Variants in ZBBX observed in about 807,000 individuals in gnomAD.
ZBBX encodes zinc finger B-box domain containing.
Under a neutral mutation model 108.5 loss-of-function variants are expected in ZBBX, and 101 were observed. The observed-to-expected ratio is 0.93, with a 90% confidence interval of 0.79 to 1.10. ZBBX has a LOEUF of 1.10. ZBBX is among the 50% of genes least tolerant of loss of function. The pLI is 0.00. For synonymous variants in ZBBX, 356 were observed against 323.4 expected (o/e 1.10, Z -1.08); for missense variants, 1,009 against 941.4 (o/e 1.07, Z -0.94).
the ZBBX span, among the ~76,000 whole-genome samples, chr3:167,199,680 C>G: frequency 6.6e-6 from 1 of 152,142 alleles, no homozygotes; most frequent in Non-Finnish European, 1.5e-5. Context: ...CAAATGTCTA[C>G]TGAGATTATG....
the ZBBX span, among the ~76,000 whole-genome samples, chr3:167,194,058 G>A: frequency 1.3e-5 from 2 of 151,830 alleles, no homozygotes; most frequent in Non-Finnish European, 2.9e-5. Flanking sequence ...ATAACTGGTA[G>A]GGTGACTAGA....
rs758281753 is a variant in ZBBX, at chr3:167,350,512, A to C, written c.436T>G (p.Cys146Gly). Residue 146 changes from cysteine (C) to glycine (G), a missense_variant, in exon 9 of 22, where the codon TGC becomes GGC. Transcript: ENST00000675490. ...CAATAATCTTCTCCACATTCAAGGC[A>C]TACCTAAAAAGATATTTTTTAAAAA... ...QCENKAALLV[C>G]LECGEDYCSG... is the part of the protein sequence containing the mutation. The C allele has an allele frequency of 2.5e-6, 4 of 1,570,568 alleles. No homozygotes were observed. In the Admixed American group the frequency reaches 5.3e-5, roughly 21 times the overall value.
chr3:167,228,528 T>C, the ZBBX span, among the ~76,000 whole-genome samples: 18 of 151,844 alleles, frequency 1.2e-4, no homozygotes, highest in African/African-American at 2.7e-4. Context: ...AGGGAAGACA[T>C]AGAAGTAGTT....
At chr3:167,392,762 T>G (rs1194896935) in intron 1 of ZBBX, 1 of 151,862 alleles carries the variant, frequency 6.6e-6, no homozygotes, top group African/African-American at 2.4e-5. Flanking sequence ...TGACTTCATC[T>G]GAAGCAGAGG....
rs369478628 is a variant in ZBBX at position 167,399,606 on chromosome 3, T to C, written c.-446+8120A>G. ...AAGGAAGGATGGGAATTTTATGCCA[T>C]AGGGGGAGACCTTAGCATGTGCAAG... On this transcript the variant is annotated intron_variant, in intron 1 of 21. Coordinates refer to the ZBBX transcript ENST00000455345. The C allele has an allele frequency of 1.3e-4, 20 of 152,238 alleles. 1 individual carries two copies. Among genetic ancestry groups the C allele is most frequent in the Admixed American group, 9.8e-4 (15 of 15,298 alleles). 9.4% of individuals were successfully genotyped at this position (152,238 alleles called of 1,614,324 possible).
intron 19 of ZBBX, among the ~76,000 whole-genome samples, chr3:167,284,872 G>A (rs559442413): frequency 6.6e-6 from 1 of 151,862 alleles, no homozygotes; most frequent in South Asian, 2.1e-4. Context: ...AATATATAAG[G>A]GTACTAATGT....
chr3:167,384,349 T>C (rs1029575448), upstream of ZBBX, among the ~76,000 whole-genome samples: 5 of 152,090 alleles, frequency 3.3e-5, no homozygotes, highest in Admixed American at 2.6e-4. Flanking sequence ...AGATACATGG[T>C]TAGCTAGGAA....
the ZBBX span, among the ~76,000 whole-genome samples, chr3:167,180,253 C>T: frequency 1.3e-5 from 2 of 152,184 alleles, no homozygotes; most frequent in East Asian, 3.9e-4. Flanking sequence ...TTGCTGAGGG[C>T]TAGTGAGACT....
chr3:167,226,083 A>T, the ZBBX span, among the ~76,000 whole-genome samples: 7 of 131,380 alleles, frequency 5.3e-5, no homozygotes, highest in African/African-American at 1.9e-4. Context: ...GACTGTGATT[A>T]AAAAAAAAAA....
At chr3:167,232,767 G>T in the ZBBX span, among the ~76,000 whole-genome samples, 2 of 151,708 alleles carry the variant, frequency 1.3e-5, no homozygotes, top group Non-Finnish European at 2.9e-5. Flanking sequence ...TCAGAATAAA[G>T]CTCCAGGCTA....
the ZBBX span, among the ~76,000 whole-genome samples, chr3:167,196,995 G>A: frequency 6.6e-6 from 1 of 152,114 alleles, no homozygotes; most frequent in African/African-American, 2.4e-5. Flanking sequence ...GACAATGACA[G>A]CAAAGGGAGA....
chr3:167,407,567 G>A (rs541198951), intron 1 of ZBBX, among the ~76,000 whole-genome samples: 51 of 151,886 alleles, frequency 3.4e-4, no homozygotes, highest in Admixed American at 9.8e-4. Context: ...CAATTAACAC[G>A]TTTTTTATTA....
At chr3:167,254,615 T>C (rs1723151738) in intron 20 of ZBBX, among the ~76,000 whole-genome samples, 1 of 152,124 alleles carries the variant, frequency 6.6e-6, no homozygotes. Context: ...AATACTTTTT[T>C]AAAGAGACGC....
chr3:167,210,913 T>C, the ZBBX span, among the ~76,000 whole-genome samples: 1 of 151,634 alleles, frequency 6.6e-6, no homozygotes, highest in Non-Finnish European at 1.5e-5. Flanking sequence ...CAAGAAACGC[T>C]AAAGGGAGTC....
chr3:167,301,919 T>TGCACCCCA (rs915828807), intron 17 of ZBBX, among the ~76,000 whole-genome samples: 6 of 129,570 alleles, frequency 4.6e-5, no homozygotes, highest in African/African-American at 1.8e-4. Flanking sequence ...ATGGCACCAC[T>TGCACCCCA]GCACCCCAGC....
intron 20 of ZBBX, among the ~76,000 whole-genome samples, chr3:167,245,868 C>T (rs1409579502): frequency 6.6e-6 from 1 of 151,990 alleles, no homozygotes; most frequent in Admixed American, 6.6e-5. Context: ...TTTCTTATAG[C>T]AGTGTAAGAA....
intron 2 of ZBBX, among the ~76,000 whole-genome samples, chr3:167,374,015 C>T (rs998390755): frequency 3.3e-5 from 5 of 152,132 alleles, no homozygotes; most frequent in African/African-American, 1.2e-4. Context: ...CATATTCTGG[C>T]TCTTTCTATT....
At chr3:167,293,974 A>T (rs572731860) in intron 18 of ZBBX, among the ~76,000 whole-genome samples, 136 of 152,298 alleles carry the variant, frequency 8.9e-4, no homozygotes, top group African/African-American at 3.2e-3. Context: ...AATACCTAGG[A>T]ATACAAGTTA....
At chr3:167,364,402 T>G (rs75040974) in intron 6 of ZBBX, among the ~76,000 whole-genome samples, 1 of 151,984 alleles carries the variant, frequency 6.6e-6, no homozygotes, top group Non-Finnish European at 1.5e-5. Context: ...CTCCTTTACT[T>G]TCGTCCTTAT....
Sources: gnomAD v4.1 joint callset for allele counts (sites outside exome capture counted in the v4.1 genomes callset) on GRCh38, gnomAD v4.1.1 for gene constraint, MANE v1.5 for transcripts, NCBI Gene and HGNC (gene_info 2026-07-23, HGNC 2026-07-21) for gene names.